The following STIM1 variants were observed in gnomAD, a reference collection of about 807,000 sequenced individuals.
STIM1 encodes the protein stromal interaction molecule 1.
A neutral mutation model predicts 74.7 loss-of-function variants in STIM1; 25 were observed. That is an observed-to-expected ratio of 0.33 (90% CI 0.24 to 0.47). The LOEUF is 0.47. Among genes scored for constraint, STIM1 ranks in the 20% least tolerant of loss-of-function variants. The pLI, the probability that STIM1 is intolerant of heterozygous loss-of-function variation, is 1.00. For synonymous variants in STIM1, 328 were observed against 348.8 expected (o/e 0.94, Z 0.66); for missense variants, 728 against 920.8 (o/e 0.79, Z 2.71).
intron 1 of STIM1, among the ~76,000 whole-genome samples, chr11:3,928,295 G>A (rs915774135): frequency 2.3e-4 from 35 of 150,714 alleles, no homozygotes; most frequent in African/African-American, 8.1e-4. Flanking sequence ...GTGCAATCTC[G>A]GCTCAGTGCA....
intron 1 of STIM1, among the ~76,000 whole-genome samples, chr11:3,916,034 G>T (rs970653267): frequency 0.077 from 8 of 104 alleles, no homozygotes; most frequent in Non-Finnish European, 0.14. Context: ...CTCCAGCCTG[G>T]GCCCACAGGG....
chr11:4,090,967 T>C (rs1240790943), intron 12 of STIM1, among the ~76,000 whole-genome samples: 1 of 152,112 alleles, frequency 6.6e-6, no homozygotes, highest in Non-Finnish European at 1.5e-5. Context: ...GGCCCTTCTT[T>C]CTACCTGCTT....
At chr11:3,865,238 C>T (rs1187727488) in intron 1 of STIM1, among the ~76,000 whole-genome samples, 1 of 152,206 alleles carries the variant, frequency 6.6e-6, no homozygotes, top group Non-Finnish European at 1.5e-5. Context: ...GACCATCTCT[C>T]CCAAACTTCT....
rs1445027796 is a variant in STIM1 at position 3,989,304 on chromosome 11, T to C, written c.270+21622T>C. The C allele has an allele frequency of 4.3e-6, 4 of 923,180 alleles. No homozygotes were observed. The African/African-American group carries it at 6.5e-5, about 15-fold the overall frequency. The allele number at this position is 923,180 out of a possible 1,614,324, so 57.2% of individuals were successfully genotyped here. On this transcript the variant is annotated intron_variant, in intron 2 of 12. Transcript: ENST00000526596. ...TTCCCTTTGCTCCCCTTTTCCCTTT[T>C]GTTTGCACTTGTTTGTCTGAAGATT...
intron 1 of STIM1, among the ~76,000 whole-genome samples, chr11:3,909,926 C>A (rs1421706847): frequency 6.6e-6 from 1 of 151,856 alleles, no homozygotes; most frequent in East Asian, 1.9e-4. Flanking sequence ...CAGAGCCGTT[C>A]CGAGGAAATA....
chr11:3,895,991 G>A (rs1395146862), intron 1 of STIM1, among the ~76,000 whole-genome samples: 2 of 149,372 alleles, frequency 1.3e-5, no homozygotes, highest in Admixed American at 6.8e-5. Context: ...TGCAAGCTCC[G>A]CCTCCCGGGT....
chr11:3,895,614 CTTTCTTTCTTTCTTTCTTTCTT>C, intron 1 of STIM1, among the ~76,000 whole-genome samples: 1 of 62,408 alleles, frequency 1.6e-5, no homozygotes, highest in East Asian at 5.3e-4. Context: ...CTCTCTCTTT[CTTTCTTTCTTTCTTTCTTTCTT>C]TCTTTCTTTC....
intron 3 of STIM1, among the ~76,000 whole-genome samples, chr11:4,044,643 T>C (rs1162215324): frequency 6.6e-6 from 1 of 152,168 alleles, no homozygotes; most frequent in Non-Finnish European, 1.5e-5. Context: ...CAGAATGATA[T>C]ATGCAGATAA....
At chr11:4,067,005 C>G (rs1189613638) in intron 5 of STIM1, among the ~76,000 whole-genome samples, 5 of 152,222 alleles carry the variant, frequency 3.3e-5, no homozygotes, top group African/African-American at 7.2e-5. Flanking sequence ...ACAATTCTTA[C>G]ATCTACTGCT....
At chr11:4,033,603 T>G (rs1220534416) in intron 3 of STIM1, among the ~76,000 whole-genome samples, 1 of 151,384 alleles carries the variant, frequency 6.6e-6, no homozygotes, top group Non-Finnish European at 1.5e-5. Context: ...TTCTAATCTT[T>G]TTTTTTTTTT....
chr11:4,065,470 C>CTT (rs80064284), intron 5 of STIM1, among the ~76,000 whole-genome samples: 17 of 143,282 alleles, frequency 1.2e-4, no homozygotes, highest in Middle Eastern at 3.7e-3. Context: ...GCCCTTTGTA[C>CTT]TTTTTTTTTT....
intron 3 of STIM1, among the ~76,000 whole-genome samples, chr11:4,025,670 C>T (rs7935824): frequency 1.3e-5 from 2 of 151,922 alleles, no homozygotes; most frequent in Non-Finnish European, 2.9e-5. Flanking sequence ...TCTGAAAGCT[C>T]GCATAGAAGT....
At chr11:4,003,753 G>T (rs959921243) in intron 2 of STIM1, among the ~76,000 whole-genome samples, 2 of 152,192 alleles carry the variant, frequency 1.3e-5, no homozygotes, top group Non-Finnish European at 2.9e-5. Context: ...CTAGGCAGAA[G>T]AAAGAAATAA....
intron 1 of STIM1, chr11:3,893,022 G>C: frequency 1.6e-6 from 1 of 606,354 alleles, no homozygotes; most frequent in Admixed American, 2.9e-5. Flanking sequence ...CACCCACTTC[G>C]TCCTCCCAAA....
chr11:4,083,487 T>A lies in STIM1; in HGVS notation c.1463T>A (p.Leu488Ter). ...DDMDEEIVSP[L>*]SMQYAAWLMG... Reference sequence around the variant, plus strand: ...ATGGATGAGGAGATTGTGTCTCCCTTGTCCATGCAGTGTAGGTGACCTCTT... The same window carrying A: ...ATGGATGAGGAGATTGTGTCTCCCTAGTCCATGCAGTGTAGGTGACCTCTT... The change falls in exon 10 of 13, where the codon TTG (leucine) becomes TAG (stop). Residue 488 changes from leucine to a stop codon, truncating the protein, a stop_gained. Coordinates refer to ENST00000526596, the MANE Select transcript of STIM1 (RefSeq NM_001382567.1). LOFTEE classifies it high-confidence loss of function. 6.2e-7 allele frequency: 1 copy of A among 1,613,806 alleles called. No homozygotes were observed. Among genetic ancestry groups the A allele is most frequent in the Non-Finnish European group, 8.5e-7 (1 of 1,179,796 alleles).
chr11:4,091,612 A>G lies in STIM1; in HGVS notation c.1965A>G (p.Pro655=). ...CTCACAGCCCCAGCTCCCCAGACCCAGACACACCATCTCCAGTTGGGGACA... is the reference window on the plus strand; with the variant it reads ...CTCACAGCCCCAGCTCCCCAGACCCGGACACACCATCTCCAGTTGGGGACA... ...SRSHSPSSPD[P]DTPSPVGDSR... The change falls in exon 13 of 13, where the codon CCA becomes CCG. Residue 655 remains proline (P), a synonymous_variant. Transcript: ENST00000526596. 1.2e-6 allele frequency: 2 copies of G among 1,614,170 alleles called. No individual in the cohort carries two copies. Among genetic ancestry groups the G allele is most frequent in the South Asian group, 1.1e-5 (1 of 91,084 alleles).
chr11:3,870,068 T>C (rs1479633877), intron 1 of STIM1, among the ~76,000 whole-genome samples: 1 of 152,136 alleles, frequency 6.6e-6, no homozygotes, highest in East Asian at 1.9e-4. Flanking sequence ...TTTGAAGTGC[T>C]GGGCAAGGGG....
intron 2 of STIM1, among the ~76,000 whole-genome samples, chr11:4,012,724 C>T (rs1046527207): frequency 2.0e-5 from 3 of 152,104 alleles, no homozygotes; most frequent in Non-Finnish European, 2.9e-5. Context: ...ATTTCTTTCT[C>T]TTGCCTGATT....
intron 1 of STIM1, among the ~76,000 whole-genome samples, chr11:3,889,915 G>T (rs2091844955): frequency 6.6e-6 from 1 of 152,118 alleles, no homozygotes; most frequent in African/African-American, 2.4e-5. Context: ...GCATTACAGG[G>T]TAGTAAATAT....
Sources: allele counts gnomAD v4.1 joint callset (sites outside exome capture counted in the v4.1 genomes callset), GRCh38; gene constraint gnomAD v4.1.1; transcripts MANE v1.5; gene names NCBI Gene and HGNC (gene_info 2026-07-23, HGNC 2026-07-21).